AGBL1: variants seen among roughly 807,000 people sequenced by gnomAD.
AGBL1 encodes cytosolic carboxypeptidase 4.
Under a neutral mutation model 118.9 loss-of-function variants are expected in AGBL1, and 130 were observed. The ratio of observed to expected loss-of-function variants is 1.09; its 90% CI spans 0.95 to 1.26. The LOEUF is 1.26. Ranked by LOEUF, AGBL1 falls within the 50% of genes most tolerant of loss-of-function variation. AGBL1 has a pLI of 0.00. For missense variants in AGBL1, 1,584 were observed against 1,298.1 expected (o/e 1.22, Z -3.38); for synonymous variants, 555 against 478.9 (o/e 1.16, Z -2.08).
chr15:86,341,810 G>A (rs757902995), intron 17 of AGBL1, among the ~76,000 whole-genome samples: 11 of 152,204 alleles, frequency 7.2e-5, no homozygotes, highest in Admixed American at 7.2e-4. Flanking sequence ...TTACTTGTGA[G>A]TAGGCCACTT....
chr15:86,318,863 T>C (rs182409593), intron 17 of AGBL1, among the ~76,000 whole-genome samples: 1 of 152,258 alleles, frequency 6.6e-6, no homozygotes, highest in Admixed American at 6.5e-5. Flanking sequence ...GTTATTATTA[T>C]ATGGTCTGTG....
intron 20 of AGBL1, 48 bp downstream of exon 20, chr15:86,546,181 T>C (rs1164001737): frequency 6.4e-7 from 1 of 1,560,814 alleles, no homozygotes. Flanking sequence ...TTCATATTCT[T>C]CATTCTTACC....
At chr15:86,469,122 G>T (rs2082444516) in intron 18 of AGBL1, among the ~76,000 whole-genome samples, 1 of 152,066 alleles carries the variant, frequency 6.6e-6, no homozygotes, top group Non-Finnish European at 1.5e-5. Flanking sequence ...CAATTTTCAA[G>T]TATAAAATAC....
rs1384872966 is a variant in AGBL1, at chr15:86,422,015, C to T, written c.2555+24469C>T. Among the ~76,000 whole-genome samples the T allele has an allele frequency of 1.2e-4, 18 of 152,112 alleles. 1 individual carries two copies. The highest frequency in any genetic ancestry group is 1.2e-3 in the Admixed American group (18 of 15,270). Reference sequence around the variant, plus strand: ...ACAATAATAGTGGGAGGCTTTAACACCCCACTGTCAATATTAGATCAACGA... The same window carrying T: ...ACAATAATAGTGGGAGGCTTTAACATCCCACTGTCAATATTAGATCAACGA... On this transcript the variant is annotated intron_variant, in intron 18 of 22. Coordinates refer to ENST00000614907, the MANE Select transcript of AGBL1 (RefSeq NM_001386094.1).
At chr15:86,494,747 A>T (rs2082826019) in intron 18 of AGBL1, among the ~76,000 whole-genome samples, 2 of 152,084 alleles carry the variant, frequency 1.3e-5, no homozygotes, top group Admixed American at 1.3e-4. Context: ...TTACTCTAGA[A>T]CATTGACCTT....
intron 22 of AGBL1, among the ~76,000 whole-genome samples, chr15:86,772,744 G>A (rs951542210): frequency 1.3e-5 from 2 of 152,068 alleles, no homozygotes; most frequent in African/African-American, 4.8e-5. Context: ...GAAAGAAAAT[G>A]TTTGAAGATG....
intron 5 of AGBL1, among the ~76,000 whole-genome samples, chr15:86,204,528 T>TTCCC (rs1352610578): frequency 6.8e-6 from 1 of 147,576 alleles, no homozygotes; most frequent in Non-Finnish European, 1.5e-5. Flanking sequence ...CCTTCCTTCC[T>TTCCC]TCCTTTTTTC....
chr15:86,148,296 A>AACT (rs1461178341), intron 3 of AGBL1, among the ~76,000 whole-genome samples: 1 of 152,162 alleles, frequency 6.6e-6, no homozygotes, highest in East Asian at 1.9e-4. Flanking sequence ...GCTGACAGAA[A>AACT]TGGGCTTCAA....
intron 22 of AGBL1, among the ~76,000 whole-genome samples, chr15:86,743,049 C>G (rs2077702352): frequency 6.6e-6 from 1 of 152,044 alleles, no homozygotes. Context: ...TAATTGTAAG[C>G]TGGATGAATG....
At chr15:86,810,289 G>T (rs113329404) in intron 22 of AGBL1, among the ~76,000 whole-genome samples, 5 of 152,130 alleles carry the variant, frequency 3.3e-5, no homozygotes, top group African/African-American at 9.6e-5. Context: ...GTGAGTAGAG[G>T]TTTTCTGATC....
intron 18 of AGBL1, among the ~76,000 whole-genome samples, chr15:86,422,667 G>C (rs189986794): frequency 6.6e-6 from 1 of 151,680 alleles, no homozygotes; most frequent in Non-Finnish European, 1.5e-5. Flanking sequence ...GATTTTTTTT[G>C]AAAAGATTAA....
chr15:86,967,924 C>T (rs559056627), intron 23 of AGBL1, among the ~76,000 whole-genome samples: 2 of 152,116 alleles, frequency 1.3e-5, no homozygotes, highest in South Asian at 4.1e-4. Flanking sequence ...GGCAGTATGG[C>T]CATTTTCACG....
intron 16 of AGBL1, among the ~76,000 whole-genome samples, chr15:86,281,141 T>C (rs1265647604): frequency 1.3e-5 from 2 of 152,200 alleles, no homozygotes; most frequent in South Asian, 4.1e-4. Flanking sequence ...CCCAGCACTT[T>C]GGGAGGCCAA....
chr15:86,171,325 T>G (rs1316829934), intron 5 of AGBL1, among the ~76,000 whole-genome samples: 1 of 151,628 alleles, frequency 6.6e-6, no homozygotes, highest in Admixed American at 6.6e-5. Flanking sequence ...GAGTTTATAT[T>G]TTTTGTAAAA....
At chr15:86,548,908 C>A (rs1195164642) in intron 20 of AGBL1, among the ~76,000 whole-genome samples, 1 of 151,988 alleles carries the variant, frequency 6.6e-6, no homozygotes, top group Non-Finnish European at 1.5e-5. Context: ...CAGAAAGCTT[C>A]CAATCGTGGT....
Position 86,635,714 on chromosome 15 carries a change from A to G in AGBL1, c.2995-38559A>G, listed in dbSNP as rs377376776. Among the ~76,000 whole-genome samples, 16 of 152,316 alleles carry G rather than the reference A, an allele frequency of 1.1e-4. No individual in the cohort carries two copies. The East Asian group carries it at 1.7e-3, about 17-fold the overall frequency. On this transcript the variant is annotated intron_variant, in intron 21 of 22. Transcript: ENST00000614907. ...GAAAAAGATTACATATTACAAATAT[A>G]AAAATAGTTACAAAAGTGAATATTT... is the stretch of plus-strand genomic sequence containing the variant.
intron 18 of AGBL1, among the ~76,000 whole-genome samples, chr15:86,464,578 G>T (rs1240773664): frequency 6.6e-6 from 1 of 152,170 alleles, no homozygotes; most frequent in Non-Finnish European, 1.5e-5. Context: ...CTGTGGGTTT[G>T]TCATAAATAG....
chr15:86,561,282 T>C (rs1448716414), intron 21 of AGBL1, among the ~76,000 whole-genome samples: 1 of 152,232 alleles, frequency 6.6e-6, no homozygotes, highest in Non-Finnish European at 1.5e-5. Context: ...AGGGTTTTTA[T>C]GGCTTTAGGT....
intron 1 of AGBL1, among the ~76,000 whole-genome samples, chr15:86,128,489 T>A (rs1285046865): frequency 1.3e-5 from 2 of 152,324 alleles, no homozygotes; most frequent in East Asian, 3.9e-4. Flanking sequence ...GCAAAGTTTA[T>A]GTCTTGGTTC....
Sources: gnomAD v4.1 joint callset for allele counts (sites outside exome capture counted in the v4.1 genomes callset) on GRCh38, gnomAD v4.1.1 for gene constraint, MANE v1.5 for transcripts, NCBI Gene and HGNC (gene_info 2026-07-23, HGNC 2026-07-21) for gene names.